The following FMN1 variants were observed in gnomAD, a reference collection of about 807,000 sequenced individuals.
FMN1 encodes formin 1, also known as formin-1.
Under a neutral mutation model 132.4 loss-of-function variants are expected in FMN1, and 110 were observed. The observed-to-expected ratio is 0.83, with a 90% CI of 0.71 to 0.97. FMN1 has a LOEUF of 0.97. FMN1 is among the 50% of genes least tolerant of loss of function. The pLI is 0.00. For synonymous variants in FMN1, 722 were observed against 651.7 expected (o/e 1.11, Z -1.64); for missense variants, 1,792 against 1,705.3 (o/e 1.05, Z -0.90).
intron 9 of FMN1, among the ~76,000 whole-genome samples, chr15:32,956,609 T>C (rs575911453): frequency 1.3e-5 from 2 of 152,222 alleles, no homozygotes; most frequent in African/African-American, 4.8e-5. Flanking sequence ...CATATATTAG[T>C]ACAATCAACA....
chr15:33,171,623 G>A (rs1334309857), intron 3 of FMN1, among the ~76,000 whole-genome samples: 2 of 152,098 alleles, frequency 1.3e-5, no homozygotes, highest in African/African-American at 4.8e-5. Context: ...ATTATTAATG[G>A]AGGAAAAATG....
chr15:32,818,577 C>T (rs1170412101), intron 17 of FMN1, among the ~76,000 whole-genome samples: 1 of 152,128 alleles, frequency 6.6e-6, no homozygotes, highest in Non-Finnish European at 1.5e-5. Context: ...TACATGGCTA[C>T]CAGTGCATTT....
At chr15:33,111,548 A>C (rs893649233) in intron 4 of FMN1, among the ~76,000 whole-genome samples, 1 of 152,252 alleles carries the variant, frequency 6.6e-6, no homozygotes, top group Non-Finnish European at 1.5e-5. Context: ...AGCATTACGC[A>C]TAATAGCCAA....
chr15:32,870,504 T>C (rs1033953472), intron 16 of FMN1, among the ~76,000 whole-genome samples: 1 of 152,178 alleles, frequency 6.6e-6, no homozygotes, highest in Non-Finnish European at 1.5e-5. Flanking sequence ...AGTGAGGACA[T>C]GCTAGTGCGC....
intron 9 of FMN1, among the ~76,000 whole-genome samples, chr15:32,940,391 TTG>T (rs67121672): frequency 0.1 from 14,863 of 145,128 alleles, 835 homozygotes; most frequent in Admixed American, 0.17. Flanking sequence ...AAAATAAAAA[TTG>T]TGTGTGTGTG....
intron 19 of FMN1, among the ~76,000 whole-genome samples, chr15:32,794,282 A>G (rs979824044): frequency 3.3e-5 from 5 of 152,250 alleles, no homozygotes; most frequent in Admixed American, 6.5e-5. Flanking sequence ...TTCATTTCAC[A>G]TAAAATTCAC....
rs61138142 is a variant in FMN1 at position 33,082,093 on chromosome 15, ATGTGTGTG to A, written c.2043+6698_2043+6705del. On this transcript the variant is annotated intron_variant, in intron 5 of 20. Coordinates refer to ENST00000616417, the MANE Select transcript of FMN1 (RefSeq NM_001277313.2). ...GCTTTGTCACCCAGGCTGGAAAACA[ATGTGTGTG>A]TGTGTGTGTGTGTGTGTGTGTGTGT... Among the ~76,000 whole-genome samples the A allele has an allele frequency of 2.3e-3, 279 of 120,394 alleles. 1 individual carries two copies. The highest frequency in any genetic ancestry group is 0.014 in the South Asian group (49 of 3,452). 79.0% of individuals were successfully genotyped at this position (120,394 alleles called of 152,430 possible). A position where few individuals can be genotyped will look rare whatever the true frequency, so the allele number is the denominator to read the frequency against.
chr15:32,963,601 A>T (rs763980974), intron 9 of FMN1, among the ~76,000 whole-genome samples: 19 of 152,244 alleles, frequency 1.2e-4, no homozygotes, highest in Admixed American at 7.2e-4. Flanking sequence ...CATACTGGAT[A>T]CTGCAGGCCT....
intron 9 of FMN1, among the ~76,000 whole-genome samples, chr15:32,950,079 ATT>A (rs1567450013): frequency 2.5e-5 from 3 of 118,692 alleles, no homozygotes; most frequent in African/African-American, 9.5e-5. Flanking sequence ...ATATATATAT[ATT>A]AAAAAGCTCA....
At chr15:32,965,510 G>A (rs1274998705) in intron 8 of FMN1, among the ~76,000 whole-genome samples, 2 of 152,008 alleles carry the variant, frequency 1.3e-5, no homozygotes, top group Admixed American at 6.6e-5. Flanking sequence ...AAAGTATATA[G>A]CTTTATTTCC....
At chr15:32,958,621 T>C (rs995321458) in intron 9 of FMN1, among the ~76,000 whole-genome samples, 10 of 152,220 alleles carry the variant, frequency 6.6e-5, no homozygotes, top group Admixed American at 3.9e-4. Context: ...ATATGAAATT[T>C]AAATACTATT....
At chr15:32,948,727 T>A (rs1471245153) in intron 9 of FMN1, among the ~76,000 whole-genome samples, 1 of 152,070 alleles carries the variant, frequency 6.6e-6, no homozygotes, top group Non-Finnish European at 1.5e-5. Context: ...TCCTTAATAT[T>A]ACTTATGCTT....
At chr15:32,823,560 A>G (rs1411876057) in intron 17 of FMN1, among the ~76,000 whole-genome samples, 4 of 152,066 alleles carry the variant, frequency 2.6e-5, no homozygotes, top group African/African-American at 9.7e-5. Context: ...TTCCAAGAAA[A>G]CTGCTTAAAT....
chr15:32,827,032 C>T (rs765864569), intron 17 of FMN1, among the ~76,000 whole-genome samples: 8 of 152,210 alleles, frequency 5.3e-5, no homozygotes, highest in African/African-American at 1.9e-4. Context: ...CCTGTTGCCA[C>T]GTCTCCATTA....
At chr15:33,028,098 C>G (rs7175174) in intron 6 of FMN1, among the ~76,000 whole-genome samples, 73,176 of 151,978 alleles carry the variant, frequency 0.48, 18,067 homozygotes, top group Middle Eastern at 0.54. Context: ...CTACATATTA[C>G]AATCACCTGG....
intron 6 of FMN1, among the ~76,000 whole-genome samples, chr15:33,054,496 G>C (rs2037126746): frequency 1.3e-5 from 2 of 152,122 alleles, no homozygotes; most frequent in Non-Finnish European, 2.9e-5. Flanking sequence ...GTAAAAACTG[G>C]TTCCTGTAAG....
intron 7 of FMN1, among the ~76,000 whole-genome samples, chr15:32,978,585 T>C (rs1392681600): frequency 1.3e-5 from 2 of 152,216 alleles, no homozygotes; most frequent in African/African-American, 4.8e-5. Flanking sequence ...GTATTATTAT[T>C]ATCACTACTG....
At chr15:33,131,494 C>T (rs774850611) in intron 4 of FMN1, among the ~76,000 whole-genome samples, 2 of 152,322 alleles carry the variant, frequency 1.3e-5, no homozygotes, top group South Asian at 4.1e-4. Context: ...CATTGATATA[C>T]TTTCTCACTG....
intron 7 of FMN1, among the ~76,000 whole-genome samples, chr15:32,992,226 T>G (rs1013714574): frequency 1.3e-5 from 2 of 152,216 alleles, no homozygotes; most frequent in Admixed American, 1.3e-4. Context: ...CTGAGCCACT[T>G]TTCTAGAACG....
Sources: gnomAD v4.1 joint callset for allele counts (sites outside exome capture counted in the v4.1 genomes callset) on GRCh38, gnomAD v4.1.1 for gene constraint, MANE v1.5 for transcripts, NCBI Gene and HGNC (gene_info 2026-07-23, HGNC 2026-07-21) for gene names.